Variants in MBD3 observed in about 807,000 individuals in gnomAD.
MBD3 encodes methyl-CpG-binding domain protein 3.
A neutral mutation model predicts 31.2 loss-of-function variants in MBD3; 13 were observed. That is an observed-to-expected ratio of 0.42 (90% CI 0.27 to 0.66). MBD3 has a LOEUF of 0.66. Ranked by LOEUF, MBD3 falls within the 30% of genes least tolerant of loss-of-function variation. MBD3 has a pLI of 0.26. For missense variants in MBD3, 440 were observed against 426.5 expected, an observed-to-expected ratio of 1.03 and a Z score of -0.28; for synonymous variants, 223 against 187.4, an observed-to-expected ratio of 1.19 and a Z score of -1.55.
At chr19:1,580,185 G>A (rs955689882) in intron 5 of MBD3, among the ~76,000 whole-genome samples, 1 of 151,796 alleles carries the variant, frequency 6.6e-6, no homozygotes, top group Non-Finnish European at 1.5e-5. Flanking sequence ...TGAGCGCGCA[G>A]AGAGTGTAAA....
At chr19:1,588,494 A>G (rs1438312527) in intron 1 of MBD3, among the ~76,000 whole-genome samples, 2 of 152,096 alleles carry the variant, frequency 1.3e-5, no homozygotes, top group African/African-American at 2.4e-5. Context: ...AGATGAAGGG[A>G]AACAAGGCCG....
In MBD3 at chr19:1,578,461, T is replaced by C. The variant is rs749633456; in HGVS notation, c.755A>G (p.Glu252Gly). Residue 252 changes from glutamate to glycine, a missense_variant, in exon 6 of 7, where the codon GAG (glutamate) becomes GGG (glycine). By Grantham distance (98) the Glu-to-Gly change is moderately conservative. This residue lies in a region of MBD3 where 117 missense variants were observed against 95.0 expected (regional missense o/e 1.23). Coordinates refer to ENST00000434436, the MANE Select transcript of MBD3 (RefSeq NM_001281453.2). The surrounding 1 kb of genome is among the most constrained non-coding windows in gnomAD (Gnocchi z 6.1). ...CGCCTCCCCGTCACGGGCCAGCTCC[T>C]CCACGTGCGCCAGCATGTCGGCCAT... ...ALMADMLAHV[E>G]ELARDGEAPL... 5.0e-6 allele frequency: 8 copies of C among 1,609,400 alleles called. No homozygotes were observed. Among genetic ancestry groups the C allele is most frequent in the Non-Finnish European group, 5.9e-6 (7 of 1,179,884 alleles).
rs2060675638 is a variant in MBD3, at chr19:1,585,600, C to A, written c.111-386G>T. 6.9e-6 allele frequency: 2 copies of A among 290,464 alleles called. No homozygotes were observed. Among genetic ancestry groups the A allele is most frequent in the South Asian group, 7.1e-5 (2 of 28,078 alleles). 18.0% of individuals were successfully genotyped at this position (290,464 alleles called of 1,614,324 possible). A position where few individuals can be genotyped will look rare whatever the true frequency, so the allele number is the denominator to read the frequency against. On this transcript the variant is annotated intron_variant, in intron 1 of 6. Transcript: ENST00000434436. This position sits in a 1 kb window ranked among gnomAD's most constrained non-coding sequence, Gnocchi z 4.1. ...TAGGCCCTGGCAGCGTCAGGCACAGCAGACGCTGAGTTCGGGTACAAACGC... is the reference window on the plus strand; with the variant it reads ...TAGGCCCTGGCAGCGTCAGGCACAGAAGACGCTGAGTTCGGGTACAAACGC...
In MBD3 at chr19:1,578,203, G is replaced by T; in HGVS notation, c.*6-45C>A. 7.1e-7 allele frequency: 1 copy of T among 1,399,776 alleles called. No individual in the cohort carries two copies. 86.7% of individuals were successfully genotyped at this position (1,399,776 alleles called of 1,614,324 possible). A position where few individuals can be genotyped will look rare whatever the true frequency, so the allele number is the denominator to read the frequency against. ...CTGGCTTTAGCGACTCCACGGGACG[G>T]GGACGCTTGGGCTCTTCTAGGGAGA... is the stretch of plus-strand genomic sequence containing the variant. On this transcript the variant is annotated intron_variant, in intron 6 of 6. Coordinates refer to ENST00000434436, the MANE Select transcript of MBD3 (RefSeq NM_001281453.2). The surrounding 1 kb of genome is among the most constrained non-coding windows in gnomAD (Gnocchi z 6.1).
intron 3 of MBD3, among the ~76,000 whole-genome samples, chr19:1,583,608 C>T (rs999730618): frequency 1.3e-5 from 2 of 151,632 alleles, no homozygotes; most frequent in Non-Finnish European, 2.9e-5. Context: ...CTGTAATCCC[C>T]ACAGTTTTGG....
chr19:1,582,374 C>T (rs1182967103), intron 4 of MBD3, among the ~76,000 whole-genome samples: 1 of 152,180 alleles, frequency 6.6e-6, no homozygotes, highest in Non-Finnish European at 1.5e-5. Flanking sequence ...CAGGCCTGCG[C>T]CACACCTGGA....
At position 1,579,000 on chromosome 19, in the gene MBD3, A is replaced by G. The variant is rs548912077; in HGVS notation, c.678-462T>C. Among the ~76,000 whole-genome samples the G allele has an allele frequency of 5.3e-5, 8 of 152,120 alleles. No homozygotes were observed. The highest frequency in any genetic ancestry group is 3.9e-4 in the Admixed American group (6 of 15,276). The stretch of plus-strand genomic sequence containing the variant: ...GGCGTTCGAGACCAGCCTGACCAAC[A>G]TGACGAAACCCCATCTCTACTAAAA... On this transcript the variant is annotated intron_variant, in intron 5 of 6. Transcript: ENST00000434436. This position sits in a 1 kb window ranked among gnomAD's most constrained non-coding sequence, Gnocchi z 6.1.
In MBD3 at chr19:1,578,155, GCCT is replaced by G; in HGVS notation, c.*6_*8del. On this transcript the variant is annotated splice_region_variant and 3_prime_UTR_variant, in exon 7 of 7. Transcript: ENST00000434436. The surrounding 1 kb of genome is among the most constrained non-coding windows in gnomAD (Gnocchi z 6.1). ...GCAGGCAGCACGGGCTCTCGGCAGG[GCCT>G]CTGGAAAGGACAGGGAGGGCTGGCT... 1 of 940,568 alleles carries G rather than the reference GCCT, an allele frequency of 1.1e-6. No individual in the cohort carries two copies. Among genetic ancestry groups the G allele is most frequent in the East Asian group, 2.6e-5 (1 of 39,086 alleles). The allele number at this position is 940,568 out of a possible 1,614,324, so 58.3% of individuals were successfully genotyped here.
Position 1,592,457 on chromosome 19 carries a change from A to C in MBD3, c.110+65T>G, listed in dbSNP as rs2060709576. The C allele has an allele frequency of 3.7e-6, 3 of 817,966 alleles. No homozygotes were observed. In the African/African-American group the frequency reaches 5.6e-5, roughly 15 times the overall value. The allele number at this position is 817,966 out of a possible 1,614,324, so 50.7% of individuals were successfully genotyped here. On this transcript the variant is annotated intron_variant, in intron 1 of 6. Transcript: ENST00000434436. ...GCCGCGGCCCGGGGCAGGGGCGCCGAGGCCGCCGCAGAGGCCGCTGGGAGG... is the reference window on the plus strand; with the variant it reads ...GCCGCGGCCCGGGGCAGGGGCGCCGCGGCCGCCGCAGAGGCCGCTGGGAGG...
intron 4 of MBD3, chr19:1,581,770 T>TA: frequency 1.0e-5 from 2 of 193,906 alleles, no homozygotes; most frequent in East Asian, 1.6e-4. Context: ...TTGCTCTGTA[T>TA]CTTTTTTTTT....
Position 1,577,401 on chromosome 19 carries a change from C to T in MBD3, c.*763G>A, listed in dbSNP as rs2094152818. On this transcript the variant is annotated 3_prime_UTR_variant, in exon 7 of 7. Transcript: ENST00000434436. ...TCAGCACCACCCCAAAGCTGGGTGCCTGTGTCGCCACTAAACAGAAGGGAA... is the reference window on the plus strand; with the variant it reads ...TCAGCACCACCCCAAAGCTGGGTGCTTGTGTCGCCACTAAACAGAAGGGAA... 6.6e-6 allele frequency: 1 copy of T among 152,256 alleles called. No homozygotes were observed. Among genetic ancestry groups the T allele is most frequent in the African/African-American group, 2.4e-5 (1 of 41,464 alleles). The allele number at this position is 152,256 out of a possible 1,614,324, so 9.4% of individuals were successfully genotyped here.
chr19:1,579,351 C>T lies in MBD3; in HGVS notation c.678-813G>A, dbSNP rs189745824. Among the ~76,000 whole-genome samples the T allele has an allele frequency of 2.1e-3, 323 of 152,162 alleles. 3 individuals carry two copies. Among genetic ancestry groups the T allele is most frequent in the South Asian group, 0.017 (82 of 4,822 alleles). ...GGCGGCCTGAGAAAAAGAATCCACACCCTCGTCTCAACCCACCACCAGGGA... is the reference window on the plus strand; with the variant it reads ...GGCGGCCTGAGAAAAAGAATCCACATCCTCGTCTCAACCCACCACCAGGGA... On this transcript the variant is annotated intron_variant, in intron 5 of 6. Coordinates refer to ENST00000434436, the MANE Select transcript of MBD3 (RefSeq NM_001281453.2).
At position 1,577,020 on chromosome 19, in the gene MBD3, C is replaced by A. The variant is rs1917211804; in HGVS notation, c.*1144G>T. The A allele has an allele frequency of 6.6e-6, 1 of 152,392 alleles. No homozygotes were observed. Among genetic ancestry groups the A allele is most frequent in the Non-Finnish European group, 1.5e-5 (1 of 68,142 alleles). 9.4% of individuals were successfully genotyped at this position (152,392 alleles called of 1,614,324 possible). On this transcript the variant is annotated 3_prime_UTR_variant, in exon 7 of 7. Coordinates refer to ENST00000434436, the MANE Select transcript of MBD3 (RefSeq NM_001281453.2). ...TCACAGTCCAGCCACAGGGGCGACT[C>A]TGCCCATCAGTCCCCCTGGGGCAGC...
chr19:1,585,038 G>T lies in MBD3; in HGVS notation c.270+17C>A. 1.2e-6 allele frequency: 2 copies of T among 1,610,092 alleles called. No homozygotes were observed. The highest frequency in any genetic ancestry group is 2.2e-5 in the South Asian group (2 of 91,054). On this transcript the variant is annotated intron_variant, in intron 2 of 6. Coordinates refer to ENST00000434436, the MANE Select transcript of MBD3 (RefSeq NM_001281453.2). The surrounding 1 kb of genome is among the most constrained non-coding windows in gnomAD (Gnocchi z 4.1). Reference sequence around the variant, plus strand: ...AACGCCCCGCGCCGACGTCACCTGCGTGACGCCACCACTCACCTTGACCTG... The same window carrying T: ...AACGCCCCGCGCCGACGTCACCTGCTTGACGCCACCACTCACCTTGACCTG...
chr19:1,580,852 G>A (rs892600756), intron 5 of MBD3, among the ~76,000 whole-genome samples: 6 of 152,210 alleles, frequency 3.9e-5, no homozygotes, highest in Non-Finnish European at 7.3e-5. Flanking sequence ...CGGACTCAAA[G>A]GACCACACTC....
At chr19:1,591,838 G>A (rs973292503) in intron 1 of MBD3, 4 of 152,210 alleles carry the variant, frequency 2.6e-5, no homozygotes, top group Non-Finnish European at 5.9e-5. Flanking sequence ...GGGGACGGGG[G>A]GGTCTCTGAA....
At chr19:1,591,060 C>G (rs1290134983) in intron 1 of MBD3, among the ~76,000 whole-genome samples, 1 of 152,224 alleles carries the variant, frequency 6.6e-6, no homozygotes, top group African/African-American at 2.4e-5. Context: ...TTGGTTCTAG[C>G]TCCCAAGCTG....
Position 1,575,448 on chromosome 19 carries a change from G to A in MBD3, c.*2716C>T. Reference sequence around the variant, plus strand: ...AAGTCCCAGAAGGTCTTGGGGCTGAGACATGGGCGGGGCTGGGGGCAGCCA... The same window carrying A: ...AAGTCCCAGAAGGTCTTGGGGCTGAAACATGGGCGGGGCTGGGGGCAGCCA... On this transcript the variant is annotated 3_prime_UTR_variant, in exon 7 of 7. Transcript: ENST00000434436. 3.2e-6 allele frequency: 1 copy of A among 313,822 alleles called. No homozygotes were observed. Among genetic ancestry groups the A allele is most frequent in the Middle Eastern group, 4.1e-4 (1 of 2,432 alleles). 19.4% of individuals were successfully genotyped at this position (313,822 alleles called of 1,614,324 possible).
intron 4 of MBD3, chr19:1,581,645 T>C (rs1917356449): frequency 8.6e-6 from 3 of 350,754 alleles, no homozygotes; most frequent in South Asian, 7.0e-5. Context: ...CTCAGGAGGC[T>C]GTGCTGAGAG....
Sources: allele counts gnomAD v4.1 joint callset (sites outside exome capture counted in the v4.1 genomes callset), GRCh38; gene constraint gnomAD v4.1.1; regional missense constraint gnomAD v4.1.1; non-coding constraint Gnocchi (gnomAD v3.1); transcripts MANE v1.5; gene names NCBI Gene and HGNC (gene_info 2026-07-23, HGNC 2026-07-21).